COLEC12: variants seen among roughly 807,000 people sequenced by gnomAD.
COLEC12 encodes collectin-12.
COLEC12 carries 33 observed loss-of-function variants against 71.1 expected under a neutral mutation model. That is an observed-to-expected ratio of 0.46 (90% CI 0.35 to 0.62). The LOEUF is 0.62. Among genes scored for constraint, COLEC12 ranks in the 20% least tolerant of loss-of-function variants. COLEC12 has a pLI of 0.00. For missense variants in COLEC12, 765 were observed against 916.1 expected, an observed-to-expected ratio of 0.84 and a Z score of 2.13; for synonymous variants, 350 against 353.0, an observed-to-expected ratio of 0.99 and a Z score of 0.10.
intron 3 of COLEC12, among the ~76,000 whole-genome samples, chr18:349,677 C>T (rs1598334317): frequency 6.6e-6 from 1 of 152,218 alleles, no homozygotes; most frequent in African/African-American, 2.4e-5. Flanking sequence ...AGAGGCTGTA[C>T]CCTGCAAAGC....
chr18:485,897 C>T lies in COLEC12; in HGVS notation c.8-5140G>A, dbSNP rs543876387. On this transcript the variant is annotated intron_variant, in intron 1 of 9. Coordinates refer to ENST00000400256, the MANE Select transcript of COLEC12 (RefSeq NM_130386.3). ...TTATATCCAGTTCTGGTTCGGACTCCTCCATATGGAAAGCCATTTAAAGAC... is the reference window on the plus strand; with the variant it reads ...TTATATCCAGTTCTGGTTCGGACTCTTCCATATGGAAAGCCATTTAAAGAC... Among the ~76,000 whole-genome samples the T allele has an allele frequency of 6.6e-5, 10 of 152,336 alleles. No homozygotes were observed. The East Asian group carries it at 1.7e-3, about 26-fold the overall frequency.
At chr18:355,047 G>GCATGCATC (rs755545328) in intron 3 of COLEC12, among the ~76,000 whole-genome samples, 47 of 150,380 alleles carry the variant, frequency 3.1e-4, no homozygotes, top group African/African-American at 1.1e-3. Context: ...ATCCATCCAT[G>GCATGCATC]CATCCATCCA....
chr18:351,668 A>C (rs1914524691), intron 3 of COLEC12, among the ~76,000 whole-genome samples: 1 of 152,156 alleles, frequency 6.6e-6, no homozygotes, highest in Non-Finnish European at 1.5e-5. Context: ...CCCAGGTTCA[A>C]GTGATTCTCC....
chr18:443,025 T>C (rs2037819768), intron 2 of COLEC12, among the ~76,000 whole-genome samples: 1 of 152,256 alleles, frequency 6.6e-6, no homozygotes, highest in Non-Finnish European at 1.5e-5. Flanking sequence ...TCCAGCCACC[T>C]GCTAGCAGGA....
intron 2 of COLEC12, among the ~76,000 whole-genome samples, chr18:369,449 G>GTT (rs56254829): frequency 0.077 from 10,107 of 131,742 alleles, 458 homozygotes; most frequent in South Asian, 0.14. Flanking sequence ...TTGGAATAAT[G>GTT]TTTTTTTTTT....
chr18:492,118 A>T (rs745396925), intron 1 of COLEC12, among the ~76,000 whole-genome samples: 4 of 152,244 alleles, frequency 2.6e-5, no homozygotes, highest in Non-Finnish European at 4.4e-5. Flanking sequence ...ATTTTAAAGT[A>T]TCACAGGAGA....
At chr18:326,684 G>A (rs1023458605) in intron 8 of COLEC12, among the ~76,000 whole-genome samples, 6 of 152,014 alleles carry the variant, frequency 3.9e-5, no homozygotes, top group Non-Finnish European at 5.9e-5. Flanking sequence ...TTATTGAGAC[G>A]TATTTTATGG....
intron 2 of COLEC12, among the ~76,000 whole-genome samples, chr18:414,256 TAA>T (rs1487439667): frequency 6.6e-6 from 1 of 152,066 alleles, no homozygotes; most frequent in Non-Finnish European, 1.5e-5. Context: ...TGCAAATTGG[TAA>T]AGAGAGTAAG....
chr18:484,768 G>A (rs1488088980), intron 1 of COLEC12, among the ~76,000 whole-genome samples: 1 of 152,170 alleles, frequency 6.6e-6, no homozygotes, highest in South Asian at 2.1e-4. Context: ...CTACCCTTAA[G>A]AGTTGGGTGG....
chr18:488,750 G>A (rs562003581), intron 1 of COLEC12, among the ~76,000 whole-genome samples: 2 of 152,062 alleles, frequency 1.3e-5, no homozygotes, highest in African/African-American at 4.8e-5. Context: ...GTGTGCACCT[G>A]TAATACCAGC....
chr18:371,687 G>A (rs1915003262), intron 2 of COLEC12, among the ~76,000 whole-genome samples: 1 of 152,172 alleles, frequency 6.6e-6, no homozygotes, highest in East Asian at 1.9e-4. Flanking sequence ...AAAATAAGCA[G>A]TAACAGGCCT....
At chr18:490,403 G>A (rs937457165) in intron 1 of COLEC12, among the ~76,000 whole-genome samples, 2 of 152,164 alleles carry the variant, frequency 1.3e-5, no homozygotes, top group Admixed American at 1.3e-4. Flanking sequence ...AACTGAAAGA[G>A]GTGTAAATGC....
chr18:473,717 C>T (rs1422029725), intron 2 of COLEC12, among the ~76,000 whole-genome samples: 3 of 152,188 alleles, frequency 2.0e-5, no homozygotes, highest in African/African-American at 7.2e-5. Context: ...AAGTTGCTTG[C>T]AGTTGCTACC....
intron 2 of COLEC12, among the ~76,000 whole-genome samples, chr18:395,340 G>C (rs1415405354): frequency 6.6e-6 from 1 of 152,208 alleles, no homozygotes; most frequent in Non-Finnish European, 1.5e-5. Flanking sequence ...AGGCAAGAGA[G>C]TTGGTGCCTT....
intron 2 of COLEC12, among the ~76,000 whole-genome samples, chr18:461,903 A>G (rs1916990624): frequency 6.6e-6 from 1 of 152,220 alleles, no homozygotes; most frequent in African/African-American, 2.4e-5. Context: ...TCCAGGCTAC[A>G]TGGTAGCAAA....
rs1013674737 is a variant in COLEC12 at position 469,984 on chromosome 18, G to C, written c.58+10723C>G. On this transcript the variant is annotated intron_variant, in intron 2 of 9. Coordinates refer to ENST00000400256, the MANE Select transcript of COLEC12 (RefSeq NM_130386.3). ...TGGGAATTTTGTTTTATCCATCTTTGTACCACAGTTCATGGCATATGGAAG... is the reference window on the plus strand; with the variant it reads ...TGGGAATTTTGTTTTATCCATCTTTCTACCACAGTTCATGGCATATGGAAG... 2.6e-5 allele frequency among the ~76,000 whole-genome samples: 4 copies of C among 151,906 alleles called. No individual in the cohort carries two copies. The East Asian group carries it at 7.7e-4, about 29-fold the overall frequency.
At chr18:409,299 G>A (rs1160651845) in intron 2 of COLEC12, among the ~76,000 whole-genome samples, 11 of 152,138 alleles carry the variant, frequency 7.2e-5, no homozygotes, top group Admixed American at 4.6e-4. Flanking sequence ...CAACCACTTC[G>A]GGAGGCCGAG....
intron 1 of COLEC12, among the ~76,000 whole-genome samples, chr18:497,782 C>T (rs1029181710): frequency 5.9e-5 from 9 of 152,284 alleles, no homozygotes; most frequent in Admixed American, 3.3e-4. Context: ...TTCTGAAGCA[C>T]GGGGAGTTAA....
intron 2 of COLEC12, among the ~76,000 whole-genome samples, chr18:430,190 G>C (rs1446793909): frequency 6.6e-6 from 1 of 152,084 alleles, no homozygotes; most frequent in African/African-American, 2.4e-5. Flanking sequence ...ACAAAAATTA[G>C]CCAGGCGTGG....
Sources: gnomAD v4.1 joint callset for allele counts (sites outside exome capture counted in the v4.1 genomes callset) on GRCh38, gnomAD v4.1.1 for gene constraint, MANE v1.5 for transcripts, NCBI Gene and HGNC (gene_info 2026-07-23, HGNC 2026-07-21) for gene names.